Variants in AGTPBP1 observed in about 807,000 individuals in gnomAD.
AGTPBP1 encodes the protein cytosolic carboxypeptidase 1.
A neutral mutation model predicts 143.9 loss-of-function variants in AGTPBP1; 70 were observed. The observed-to-expected ratio is 0.49, with a 90% CI of 0.40 to 0.59. AGTPBP1 has a LOEUF of 0.59. AGTPBP1 is among the 20% of genes least tolerant of loss of function. The pLI, the probability that AGTPBP1 is intolerant of heterozygous loss-of-function variation, is 0.00. For synonymous variants in AGTPBP1, 463 were observed against 500.2 expected, an observed-to-expected ratio of 0.93 and a Z score of 0.99; for missense variants, 1,229 against 1,464.5, an observed-to-expected ratio of 0.84 and a Z score of 2.62.
rs139878132 is a variant in AGTPBP1 at position 85,548,061 on chromosome 9, A to C, written c.3504-775T>G. On this transcript the variant is annotated intron_variant, in intron 25 of 25. Transcript: ENST00000357081. ...AATAAACACTACAGAAACATTTTAG[A>C]ATCTCTAAGGTAGTGACCAAAACTA... 2.1e-3 allele frequency among the ~76,000 whole-genome samples: 320 copies of C among 152,324 alleles called. 1 individual carries two copies. Among genetic ancestry groups the C allele is most frequent in the African/African-American group, 6.4e-3 (268 of 41,568 alleles).
intron 19 of AGTPBP1, among the ~76,000 whole-genome samples, chr9:85,590,804 A>G (rs1429830684): frequency 3.9e-5 from 6 of 152,176 alleles, no homozygotes; most frequent in Admixed American, 6.6e-5. Context: ...AGAGGATAGA[A>G]CAGGGCATTT....
the AGTPBP1 span, among the ~76,000 whole-genome samples, chr9:85,760,890 T>C: frequency 6.6e-6 from 1 of 152,194 alleles, no homozygotes; most frequent in Non-Finnish European, 1.5e-5. Flanking sequence ...GCCCAAAATC[T>C]CCTTAAGCTG....
the AGTPBP1 span, among the ~76,000 whole-genome samples, chr9:85,793,069 G>A: frequency 6.6e-6 from 1 of 152,120 alleles, no homozygotes; most frequent in African/African-American, 2.4e-5. Flanking sequence ...ATATTTTAAA[G>A]ACTTGCTGAA....
chr9:85,711,466 G>A (rs1194572917), intron 2 of AGTPBP1, among the ~76,000 whole-genome samples: 1 of 145,754 alleles, frequency 6.9e-6, no homozygotes, highest in Non-Finnish European at 1.5e-5. Flanking sequence ...TTGAGACAGA[G>A]TCTCACTGTG....
chr9:85,601,026 G>C (rs539188989), intron 17 of AGTPBP1, among the ~76,000 whole-genome samples: 4 of 152,142 alleles, frequency 2.6e-5, no homozygotes, highest in Non-Finnish European at 4.4e-5. Flanking sequence ...TTCCCTGGTA[G>C]CAACTCCATT....
At chr9:85,573,778 C>A (rs1219306397) in intron 25 of AGTPBP1, among the ~76,000 whole-genome samples, 1 of 149,614 alleles carries the variant, frequency 6.7e-6, no homozygotes, top group Non-Finnish European at 1.5e-5. Flanking sequence ...ATGTGAGGAG[C>A]GCCTCTGCCC....
At chr9:85,576,186 T>C (rs188274557) in intron 24 of AGTPBP1, among the ~76,000 whole-genome samples, 1 of 152,314 alleles carries the variant, frequency 6.6e-6, no homozygotes, top group Non-Finnish European at 1.5e-5. Context: ...AAAAATGGCC[T>C]ACAAATTAAT....
chr9:85,640,053 T>A (rs985053968), intron 13 of AGTPBP1, among the ~76,000 whole-genome samples: 2 of 152,188 alleles, frequency 1.3e-5, no homozygotes, highest in Non-Finnish European at 2.9e-5. Context: ...GAAAATAATA[T>A]ACAAATGAAA....
chr9:85,761,820 C>A, the AGTPBP1 span, among the ~76,000 whole-genome samples: 2 of 152,112 alleles, frequency 1.3e-5, no homozygotes, highest in Non-Finnish European at 2.9e-5. Flanking sequence ...AAGAAACTAC[C>A]GTCAGAGTGA....
At chr9:85,731,765 AT>A (rs1838896467) in intron 1 of AGTPBP1, among the ~76,000 whole-genome samples, 1 of 152,146 alleles carries the variant, frequency 6.6e-6, no homozygotes, top group Non-Finnish European at 1.5e-5. Flanking sequence ...ATTATGTTAT[AT>A]TTTAGTCCAA....
chr9:85,720,118 T>A (rs907575372), intron 1 of AGTPBP1, among the ~76,000 whole-genome samples: 3 of 152,224 alleles, frequency 2.0e-5, no homozygotes, highest in African/African-American at 7.2e-5. Context: ...TGGTCTAAAA[T>A]TCTCTTTTAT....
At chr9:85,716,936 G>A (rs1451997411) in intron 1 of AGTPBP1, among the ~76,000 whole-genome samples, 3 of 152,056 alleles carry the variant, frequency 2.0e-5, no homozygotes, top group African/African-American at 7.2e-5. Context: ...GCACTGGCTG[G>A]GCCTCCATGT....
chr9:85,767,671 G>A, the AGTPBP1 span, among the ~76,000 whole-genome samples: 1 of 151,582 alleles, frequency 6.6e-6, no homozygotes, highest in African/African-American at 2.4e-5. Flanking sequence ...TAGTAGAGAC[G>A]AGGTCTCGCC....
intron 25 of AGTPBP1, among the ~76,000 whole-genome samples, chr9:85,571,087 G>A (rs576924257): frequency 3.3e-4 from 51 of 152,330 alleles, no homozygotes; most frequent in South Asian, 2.1e-4. Context: ...GAGCATGCAT[G>A]TATATGCATG....
chr9:85,642,042 T>C (rs1469123516), intron 13 of AGTPBP1, among the ~76,000 whole-genome samples: 1 of 152,078 alleles, frequency 6.6e-6, no homozygotes, highest in Non-Finnish European at 1.5e-5. Context: ...CTCACAACTA[T>C]AACCTCACAA....
intron 24 of AGTPBP1, among the ~76,000 whole-genome samples, chr9:85,577,591 TATTACACTTTGGAAG>T (rs1827977921): frequency 6.6e-6 from 1 of 152,190 alleles, no homozygotes; most frequent in African/African-American, 2.4e-5. Flanking sequence ...GGAGATCTCA[TATTACACTTTGGAAG>T]ATCACACTGT....
In AGTPBP1 at chr9:85,681,263, T is replaced by C. The variant is rs1396156522; in HGVS notation, c.225+5A>G. ...TTACATAATTAAAGCGTGTCACTGATTTACCTCTAATGTTGACAGCAGAAT... is the reference window on the plus strand; with the variant it reads ...TTACATAATTAAAGCGTGTCACTGACTTACCTCTAATGTTGACAGCAGAAT... On this transcript the variant is annotated splice_donor_5th_base_variant and intron_variant, in intron 4 of 25. Coordinates refer to ENST00000357081, the MANE Select transcript of AGTPBP1 (RefSeq NM_001330701.2). 3 of 1,612,018 alleles carry C rather than the reference T, an allele frequency of 1.9e-6. No homozygotes were observed. Among genetic ancestry groups the C allele is most frequent in the South Asian group, 1.1e-5 (1 of 90,478 alleles).
chr9:85,768,366 T>C, the AGTPBP1 span, among the ~76,000 whole-genome samples: 1 of 152,336 alleles, frequency 6.6e-6, no homozygotes. Context: ...ACACTGTGGA[T>C]AGGTTCTTGG....
chr9:85,653,321 A>G (rs1833287371), intron 11 of AGTPBP1, among the ~76,000 whole-genome samples: 1 of 152,176 alleles, frequency 6.6e-6, no homozygotes, highest in African/African-American at 2.4e-5. Context: ...CTCCTCTCCC[A>G]TCTGAATCAG....
Sources: gnomAD v4.1 joint callset for allele counts (sites outside exome capture counted in the v4.1 genomes callset) on GRCh38, gnomAD v4.1.1 for gene constraint, MANE v1.5 for transcripts, NCBI Gene and HGNC (gene_info 2026-07-23, HGNC 2026-07-21) for gene names.